The following SLC25A20 variants were observed in gnomAD, a reference collection of about 807,000 sequenced individuals.
SLC25A20 encodes the protein mitochondrial carnitine/acylcarnitine carrier protein.
In SLC25A20, 29 loss-of-function variants were observed where a neutral mutation model predicts 39.7. The observed-to-expected ratio is 0.73, with a 90% confidence interval of 0.54 to 1.00. The LOEUF is 1.00. Among genes scored for constraint, SLC25A20 ranks in the 50% least tolerant of loss-of-function variants. SLC25A20 has a pLI of 0.00. For missense variants in SLC25A20, 333 were observed against 379.9 expected (o/e 0.88, Z 1.03); for synonymous variants, 103 against 142.2 (o/e 0.72, Z 1.96).
chr3:48,859,181 G>A lies in SLC25A20; in HGVS notation c.629C>T (p.Pro210Leu). ...AATGCCCCCAGCCACCAAGATCCGA[G>A]GGGCACTGAGCTCACTGACCCTGTA... ...EGKRVSELSAPRILVAGGIAG... is the reference protein window; with the variant it reads ...EGKRVSELSALRILVAGGIAG... Residue 210 changes from proline to leucine, a missense_variant, in exon 7 of 9, where the codon CCT becomes CTT. Physicochemically the swap from Pro to Leu is moderately conservative, Grantham distance 98. Transcript: ENST00000319017. 6.2e-7 allele frequency: 1 copy of A among 1,613,992 alleles called. No homozygotes were observed. Among genetic ancestry groups the A allele is most frequent in the Non-Finnish European group, 8.5e-7 (1 of 1,179,976 alleles).
chr3:48,879,293 TA>T, intron 4 of SLC25A20, 64 bp downstream of exon 4: 1 of 1,225,882 alleles, frequency 8.2e-7, no homozygotes, highest in Non-Finnish European at 1.2e-6. Flanking sequence ...TGAAAGGACA[TA>T]AACATGCACA....
rs565030850 is a variant in SLC25A20, at chr3:48,882,988, C to A, written c.326+1009G>T. Among the ~76,000 whole-genome samples the A allele has an allele frequency of 3.2e-3, 471 of 147,448 alleles. 5 individuals are homozygous for A. Among genetic ancestry groups the A allele is most frequent in the African/African-American group, 0.011 (448 of 39,800 alleles). On this transcript the variant is annotated intron_variant, in intron 3 of 8. Coordinates refer to ENST00000319017, the MANE Select transcript of SLC25A20 (RefSeq NM_000387.6). ...GGATCACGAGGTCAGGAGATCGAGA[C>A]CATCCTGGCTAACACGGCGAAACCC...
At chr3:48,882,782 G>C (rs928563450) in intron 3 of SLC25A20, among the ~76,000 whole-genome samples, 1 of 152,092 alleles carries the variant, frequency 6.6e-6, no homozygotes, top group Non-Finnish European at 1.5e-5. Context: ...CCAGCTACTT[G>C]GGGGGCTGAG....
At position 48,884,054 on chromosome 3, in the gene SLC25A20, A is replaced by T; in HGVS notation, c.269T>A (p.Phe90Tyr). 2 of 1,614,064 alleles carry T rather than the reference A, an allele frequency of 1.2e-6. No individual in the cohort carries two copies. Among genetic ancestry groups the T allele is most frequent in the South Asian group, 2.2e-5 (2 of 91,086 alleles). The change falls in exon 3 of 9, where the codon TTC (phenylalanine) becomes TAC (tyrosine). Residue 90 changes from phenylalanine (F) to tyrosine (Y), a missense_variant. Transcript: ENST00000319017. ...TTTCTTCCCCAAACCAAACCCAAAG[A>T]AGCACACGGCAAACATGGGAGTGAC... Reference protein sequence around the residue: ...IGVTPMFAVCFFGFGLGKKLQ... With the variant: ...IGVTPMFAVCYFGFGLGKKLQ...
At chr3:48,869,237 A>G (rs2083694275) in intron 4 of SLC25A20, among the ~76,000 whole-genome samples, 1 of 152,250 alleles carries the variant, frequency 6.6e-6, no homozygotes, top group African/African-American at 2.4e-5. Flanking sequence ...ACTGAAAGAA[A>G]AAAAGACTAG....
chr3:48,871,542 C>A (rs1182335816), intron 4 of SLC25A20, among the ~76,000 whole-genome samples: 1 of 151,752 alleles, frequency 6.6e-6, no homozygotes, highest in African/African-American at 2.4e-5. Context: ...CTGAGGTGGG[C>A]GGATCACCTG....
At chr3:48,871,768 C>G (rs1169228762) in intron 4 of SLC25A20, among the ~76,000 whole-genome samples, 3 of 61,892 alleles carry the variant, frequency 4.8e-5, no homozygotes, top group African/African-American at 1.8e-4. Context: ...AACTCCATCT[C>G]AAAAAAAAAA....
intron 4 of SLC25A20, among the ~76,000 whole-genome samples, chr3:48,876,004 G>C (rs2083752866): frequency 1.3e-5 from 2 of 152,086 alleles, no homozygotes; most frequent in South Asian, 4.1e-4. Flanking sequence ...GTGACAGACA[G>C]CCAGACCCTG....
At chr3:48,895,000 T>C (rs970552469) in intron 1 of SLC25A20, among the ~76,000 whole-genome samples, 4 of 144,354 alleles carry the variant, frequency 2.8e-5, no homozygotes, top group Admixed American at 1.4e-4. Flanking sequence ...CATTTGTATA[T>C]TTATTTTTAT....
At chr3:48,863,242 G>C (rs1304285369) in intron 4 of SLC25A20, among the ~76,000 whole-genome samples, 3 of 152,142 alleles carry the variant, frequency 2.0e-5, no homozygotes, top group African/African-American at 7.2e-5. Flanking sequence ...ACACAATAAA[G>C]CTATTTGGAA....
Position 48,857,000 on chromosome 3 carries a change from C to G in SLC25A20, c.*710G>C, listed in dbSNP as rs1243166318. ...ATGAGAAAAGAGTATGTAAAAAGGGCCTTCCTACACCCTGGGCTTTCTCAC... is the reference window on the plus strand; with the variant it reads ...ATGAGAAAAGAGTATGTAAAAAGGGGCTTCCTACACCCTGGGCTTTCTCAC... On this transcript the variant is annotated 3_prime_UTR_variant, in exon 9 of 9. Coordinates refer to ENST00000319017, the MANE Select transcript of SLC25A20 (RefSeq NM_000387.6). 4.6e-5 allele frequency: 7 copies of G among 152,196 alleles called. No individual in the cohort carries two copies. Among genetic ancestry groups the G allele is most frequent in the African/African-American group, 2.4e-5 (1 of 41,408 alleles). 9.4% of individuals were successfully genotyped at this position (152,196 alleles called of 1,614,324 possible).
At chr3:48,896,206 T>C (rs946422014) in intron 1 of SLC25A20, among the ~76,000 whole-genome samples, 9 of 151,168 alleles carry the variant, frequency 6.0e-5, no homozygotes, top group African/African-American at 2.2e-4. Flanking sequence ...TTTGAGACAG[T>C]GTCTCATTCT....
At position 48,860,185 on chromosome 3, in the gene SLC25A20, C is replaced by T. The variant is rs138113121; in HGVS notation, c.536-558G>A. On this transcript the variant is annotated intron_variant, in intron 5 of 8. Coordinates refer to ENST00000319017, the MANE Select transcript of SLC25A20 (RefSeq NM_000387.6). ...GCGTGGTGGCGGGCACCTGTAATCC[C>T]AGCTACTCAGGAGGCTGAGGCAAGA... Among the ~76,000 whole-genome samples the T allele has an allele frequency of 1.4e-4, 21 of 151,988 alleles. No homozygotes were observed. In the East Asian group the frequency reaches 3.9e-3, roughly 28 times the overall value.
At position 48,858,508 on chromosome 3, in the gene SLC25A20, G is replaced by T. The variant is rs953809517; in HGVS notation, c.842C>A (p.Ala281Glu). ...AGCACAGCCCTGCCAGCTACTCACC[G>T]CATTGGCTGGGAAGGCTCGGATCAT... ...AVMIRAFPAN[A>E]ACFLGFEVAM... Residue 281 changes from alanine (A) to glutamate (E), a missense_variant and splice_region_variant, in exon 8 of 9, where the codon GCG becomes GAG. Ala to Glu is a moderately radical substitution (Grantham distance 107). Transcript: ENST00000319017. The T allele has an allele frequency of 6.2e-7, 1 of 1,614,088 alleles. No individual in the cohort carries two copies. The highest frequency in any genetic ancestry group is 2.2e-5 in the East Asian group (1 of 44,884).
At chr3:48,862,171 TGA>T (rs1214216467) in intron 5 of SLC25A20, among the ~76,000 whole-genome samples, 2 of 152,008 alleles carry the variant, frequency 1.3e-5, no homozygotes, top group African/African-American at 4.8e-5. Context: ...AGGACAAGAG[TGA>T]GACTGTCTCT....
chr3:48,881,677 G>A (rs1455941695), intron 3 of SLC25A20, among the ~76,000 whole-genome samples: 1 of 152,116 alleles, frequency 6.6e-6, no homozygotes, highest in Non-Finnish European at 1.5e-5. Context: ...TTTTCTGAGT[G>A]CTGATGTGAC....
chr3:48,891,917 G>A, intron 2 of SLC25A20, 63 bp downstream of exon 2: 1 of 1,305,834 alleles, frequency 7.7e-7, no homozygotes, highest in Non-Finnish European at 1.1e-6. Flanking sequence ...TCTCCTTGGG[G>A]GTAACAAATC....
chr3:48,858,883 A>T (rs2083601747), intron 7 of SLC25A20, among the ~76,000 whole-genome samples: 1 of 152,200 alleles, frequency 6.6e-6, no homozygotes, highest in Non-Finnish European at 1.5e-5. Flanking sequence ...TTGACTTCTT[A>T]TCACACTTAC....
Position 48,860,335 on chromosome 3 carries a change from C to A in SLC25A20, c.536-708G>T, listed in dbSNP as rs2083615234. On this transcript the variant is annotated intron_variant, in intron 5 of 8. Transcript: ENST00000319017. The stretch of plus-strand genomic sequence containing the variant: ...AAAAAATACAAAAATACAAAAATGG[C>A]CAAGCGTGGTGGCTCACACCTGTAA... Among the ~76,000 whole-genome samples the A allele has an allele frequency of 4.7e-5, 7 of 149,106 alleles. No homozygotes were observed. The Admixed American group carries it at 4.7e-4, about 10-fold the overall frequency.
Sources: gnomAD v4.1 joint callset for allele counts (sites outside exome capture counted in the v4.1 genomes callset) on GRCh38, gnomAD v4.1.1 for gene constraint, MANE v1.5 for transcripts, NCBI Gene and HGNC (gene_info 2026-07-23, HGNC 2026-07-21) for gene names.